The following SNAPC1 variants were observed in gnomAD, a reference collection of about 807,000 sequenced individuals.
SNAPC1 encodes the protein snRNA-activating protein complex subunit 1.
Under a neutral mutation model 50.1 loss-of-function variants are expected in SNAPC1, and 42 were observed. The observed-to-expected ratio is 0.84, with a 90% CI of 0.65 to 1.08. The LOEUF (loss-of-function observed/expected upper bound fraction) is 1.08, where lower values mean the gene tolerates loss of function less well. SNAPC1 is among the 50% of genes least tolerant of loss of function. The pLI is 0.00. For missense variants in SNAPC1, 477 were observed against 427.3 expected, an observed-to-expected ratio of 1.12 and a Z score of -1.02; for synonymous variants, 164 against 144.2, an observed-to-expected ratio of 1.14 and a Z score of -0.98.
chr14:61,793,433 G>A (rs1044474235), intron 9 of SNAPC1, among the ~76,000 whole-genome samples: 1 of 151,976 alleles, frequency 6.6e-6, no homozygotes, highest in African/African-American at 2.4e-5. Flanking sequence ...TGTAGAGACA[G>A]GGTCTCACTG....
chr14:61,776,191 G>C lies in SNAPC1; in HGVS notation c.631G>C (p.Asp211His). ...PDKALSLIKD[D>H]FFDNIKNIVL... Reference sequence around the variant, plus strand: ...TAAAGCCCTCAGCTTGATAAAGGATGATTTTTTTGACAATATTAAGAACAT... The same window carrying C: ...TAAAGCCCTCAGCTTGATAAAGGATCATTTTTTTGACAATATTAAGAACAT... The change falls in exon 5 of 10, where the codon GAT becomes CAT. Residue 211 changes from aspartate to histidine, a missense_variant. By Grantham distance (81) the Asp-to-His change is moderately conservative. Transcript: ENST00000216294. 3 of 1,612,734 alleles carry C rather than the reference G, an allele frequency of 1.9e-6. No individual in the cohort carries two copies. Among genetic ancestry groups the C allele is most frequent in the Admixed American group, 1.7e-5 (1 of 59,632 alleles).
intron 8 of SNAPC1, among the ~76,000 whole-genome samples, chr14:61,789,935 T>TC (rs2045140401): frequency 6.6e-6 from 1 of 152,098 alleles, no homozygotes; most frequent in African/African-American, 2.4e-5. Context: ...TTGCGGTAGT[T>TC]CAGATTTAGG....
intron 1 of SNAPC1, among the ~76,000 whole-genome samples, chr14:61,765,845 C>T (rs1050999696): frequency 6.6e-6 from 1 of 152,196 alleles, no homozygotes; most frequent in African/African-American, 2.4e-5. Flanking sequence ...CTTCTCCCTT[C>T]CTCCTCCTTT....
At chr14:61,790,464 T>TGGCTGATTACAGGCGCTGTAATC (rs2045143970) in intron 8 of SNAPC1, among the ~76,000 whole-genome samples, 1 of 152,166 alleles carries the variant, frequency 6.6e-6, no homozygotes, top group East Asian at 1.9e-4. Flanking sequence ...GCCTCCCCAC[T>TGGCTGATTACAGGCGCTGTAATC]AGCTGTGATT....
At chr14:61,763,116 G>C (rs917112459) in intron 1 of SNAPC1, among the ~76,000 whole-genome samples, 5 of 145,568 alleles carry the variant, frequency 3.4e-5, no homozygotes, top group Non-Finnish European at 6.0e-5. Context: ...CTCAACCTCC[G>C]GAGTAGCTGG....
chr14:61,769,543 G>A (rs949602058), intron 4 of SNAPC1, among the ~76,000 whole-genome samples: 18 of 151,668 alleles, frequency 1.2e-4, no homozygotes, highest in South Asian at 4.2e-4. Context: ...GACCACAGGC[G>A]TGTGCCACCA....
intron 5 of SNAPC1, 134 bp from the exon 6 acceptor site, chr14:61,777,938 T>C: frequency 1.9e-6 from 1 of 534,674 alleles, no homozygotes; most frequent in Non-Finnish European, 3.3e-6. Context: ...TGTTAGGTGG[T>C]ATATAATGTG....
intron 3 of SNAPC1, among the ~76,000 whole-genome samples, chr14:61,768,277 A>G (rs2044963525): frequency 6.6e-6 from 1 of 152,196 alleles, no homozygotes; most frequent in Non-Finnish European, 1.5e-5. Context: ...AAGACGTACA[A>G]AATTGTTAAA....
At chr14:61,790,617 G>A (rs1383950286) in intron 8 of SNAPC1, among the ~76,000 whole-genome samples, 4 of 152,052 alleles carry the variant, frequency 2.6e-5, no homozygotes, top group Non-Finnish European at 5.9e-5. Context: ...GATTACAGGC[G>A]CAAGCCACCG....
intron 3 of SNAPC1, among the ~76,000 whole-genome samples, chr14:61,768,076 G>A (rs2044962003): frequency 6.6e-6 from 1 of 152,210 alleles, no homozygotes; most frequent in Non-Finnish European, 1.5e-5. Context: ...ACCATGCCCG[G>A]CCTTGTAGCT....
In SNAPC1 at chr14:61,795,277, T is replaced by C. The variant is rs2045181155; in HGVS notation, c.*294T>C. 3.1e-6 allele frequency: 1 copy of C among 326,508 alleles called. No homozygotes were observed. The highest frequency in any genetic ancestry group is 5.6e-6 in the Non-Finnish European group (1 of 178,794). The allele number at this position is 326,508 out of a possible 1,614,324, so 20.2% of individuals were successfully genotyped here. A position where few individuals can be genotyped will look rare whatever the true frequency, so the allele number is the denominator to read the frequency against. On this transcript the variant is annotated 3_prime_UTR_variant, in exon 10 of 10. Transcript: ENST00000216294. ...TGTTACTATTTCCTATAAGGTTTTG[T>C]GATACTATACTGTCCTAATACAGTC...
chr14:61,787,470 A>G (rs960027081), intron 8 of SNAPC1, among the ~76,000 whole-genome samples: 4 of 152,042 alleles, frequency 2.6e-5, no homozygotes, highest in African/African-American at 9.7e-5. Context: ...CATTTCCAGT[A>G]TCGCACAGCC....
At chr14:61,780,211 A>G (rs1189963585) in intron 7 of SNAPC1, among the ~76,000 whole-genome samples, 1 of 152,198 alleles carries the variant, frequency 6.6e-6, no homozygotes, top group East Asian at 1.9e-4. Context: ...GGGAGCCTAC[A>G]GAGAGAATCA....
intron 4 of SNAPC1, among the ~76,000 whole-genome samples, chr14:61,770,698 C>T (rs2044982229): frequency 6.6e-6 from 1 of 152,042 alleles, no homozygotes; most frequent in East Asian, 1.9e-4. Context: ...TGTCCCTCTC[C>T]CCCACCACAT....
At chr14:61,794,898 GTT>G (rs746063173) in intron 9 of SNAPC1, 49 bp from the exon 10 acceptor site, 11 of 1,160,494 alleles carry the variant, frequency 9.5e-6, no homozygotes, top group Admixed American at 4.1e-5. Context: ...TTTTTTGTTT[GTT>G]TTTTTTTTGT....
At chr14:61,772,104 T>C (rs1416660157) in intron 4 of SNAPC1, among the ~76,000 whole-genome samples, 1 of 152,104 alleles carries the variant, frequency 6.6e-6, no homozygotes. Context: ...ATTTCTTTTT[T>C]TTTAATTTTT....
chr14:61,775,369 C>T (rs761006149), intron 4 of SNAPC1, among the ~76,000 whole-genome samples: 24 of 152,078 alleles, frequency 1.6e-4, no homozygotes, highest in East Asian at 1.4e-3. Context: ...AATTCTCCTA[C>T]CTCAGCCTCC....
rs556141670 is a variant in SNAPC1, at chr14:61,782,226, A to G, written c.826-21A>G. On this transcript the variant is annotated intron_variant, in intron 7 of 9. Coordinates refer to ENST00000216294, the MANE Select transcript of SNAPC1 (RefSeq NM_003082.4). Reference sequence around the variant, plus strand: ...GGATTCATTTTATAATTTATTGGTTAATTGGATTGTAACTCTTAAGGCATC... The same window carrying G: ...GGATTCATTTTATAATTTATTGGTTGATTGGATTGTAACTCTTAAGGCATC... 9.2e-6 allele frequency: 14 copies of G among 1,519,054 alleles called. No homozygotes were observed. In the South Asian group the frequency reaches 1.5e-4, roughly 16 times the overall value. The allele number at this position is 1,519,054 out of a possible 1,614,324, so 94.1% of individuals were successfully genotyped here.
chr14:61,780,751 T>G (rs1017672616), intron 7 of SNAPC1, among the ~76,000 whole-genome samples: 1 of 152,164 alleles, frequency 6.6e-6, no homozygotes, highest in African/African-American at 2.4e-5. Flanking sequence ...GGTGTGTGGC[T>G]TTATTTCTGA....
Sources: allele counts gnomAD v4.1 joint callset (sites outside exome capture counted in the v4.1 genomes callset), GRCh38; gene constraint gnomAD v4.1.1; transcripts MANE v1.5; gene names NCBI Gene and HGNC (gene_info 2026-07-23, HGNC 2026-07-21).